Variants in GRM7 observed in about 807,000 individuals in gnomAD.
GRM7 encodes metabotropic glutamate receptor 7.
Under a neutral mutation model 84.5 loss-of-function variants are expected in GRM7, and 35 were observed. The ratio of observed to expected loss-of-function variants is 0.41; its 90% CI spans 0.32 to 0.55. The LOEUF (loss-of-function observed/expected upper bound fraction) is 0.55. Ranked by LOEUF, GRM7 falls within the 20% of genes least tolerant of loss-of-function variation. The pLI, the probability that GRM7 is intolerant of heterozygous loss-of-function variation, is 0.19. For synonymous variants in GRM7, 487 were observed against 455.1 expected (o/e 1.07, Z -0.89); for missense variants, 1,003 against 1,194.6 (o/e 0.84, Z 2.36).
chr3:6,944,276 A>G (rs1249916201), intron 1 of GRM7, among the ~76,000 whole-genome samples: 2 of 152,088 alleles, frequency 1.3e-5, no homozygotes, highest in East Asian at 1.9e-4. Context: ...AAAGACTTTC[A>G]ATCTTTCATT....
At chr3:7,184,445 C>T (rs1028609555) in intron 2 of GRM7, among the ~76,000 whole-genome samples, 5 of 151,922 alleles carry the variant, frequency 3.3e-5, no homozygotes, top group Admixed American at 6.6e-5. Flanking sequence ...CAAATATATA[C>T]AAAAATATTT....
At chr3:7,557,082 A>G (rs1693798269) in intron 7 of GRM7, among the ~76,000 whole-genome samples, 2 of 152,282 alleles carry the variant, frequency 1.3e-5, no homozygotes, top group South Asian at 4.1e-4. Context: ...AGATGATTAG[A>G]TCTGCCTTCT....
intron 1 of GRM7, among the ~76,000 whole-genome samples, chr3:7,043,831 C>T (rs1252231170): frequency 6.6e-6 from 1 of 152,138 alleles, no homozygotes; most frequent in Non-Finnish European, 1.5e-5. Flanking sequence ...AAATACAAGC[C>T]TTGACTTCCT....
At chr3:7,216,623 A>G (rs943540089) in intron 2 of GRM7, among the ~76,000 whole-genome samples, 3 of 152,210 alleles carry the variant, frequency 2.0e-5, no homozygotes, top group African/African-American at 7.2e-5. Flanking sequence ...GGTTACTAGT[A>G]CTGCCACCCT....
intron 7 of GRM7, among the ~76,000 whole-genome samples, chr3:7,473,537 C>T (rs1050360356): frequency 2.3e-5 from 2 of 88,842 alleles, no homozygotes; most frequent in Non-Finnish European, 5.3e-5. Flanking sequence ...AGAGAAACAC[C>T]TTGACAGAGT....
At chr3:7,376,306 C>G (rs1272830413) in intron 4 of GRM7, among the ~76,000 whole-genome samples, 4 of 152,140 alleles carry the variant, frequency 2.6e-5, no homozygotes, top group Admixed American at 2.6e-4. Context: ...TCTGTGGCTG[C>G]AAGTACTCTG....
chr3:7,369,919 A>G (rs192236195), intron 4 of GRM7, among the ~76,000 whole-genome samples: 2 of 152,080 alleles, frequency 1.3e-5, no homozygotes, highest in Non-Finnish European at 2.9e-5. Flanking sequence ...TTTTTCTTCT[A>G]TTCCGATCTA....
intron 1 of GRM7, among the ~76,000 whole-genome samples, chr3:7,096,679 G>A (rs1437402967): frequency 6.6e-6 from 1 of 152,076 alleles, no homozygotes; most frequent in Non-Finnish European, 1.5e-5. Context: ...CCTCTGAGGA[G>A]GTCAGAATGG....
In GRM7 at chr3:7,146,463, T is replaced by G; in HGVS notation, c.531T>G (p.Ile177Met). ...TCTTGTCTTTGCAGATCCCCCAGAT[T>G]AGTTATGCATCAACGGCACCCGAGC... ...NILRLFQIPQ[I>M]SYASTAPELS... is the part of the protein sequence containing the mutation. Residue 177 changes from isoleucine (I) to methionine (M), a missense_variant, in exon 2 of 10, where the codon ATT becomes ATG. Ile to Met is a conservative substitution (Grantham distance 10). Coordinates refer to ENST00000357716, the MANE Select transcript of GRM7 (RefSeq NM_000844.4). 5.6e-6 allele frequency: 9 copies of G among 1,612,616 alleles called. No individual in the cohort carries two copies. The highest frequency in any genetic ancestry group is 7.6e-6 in the Non-Finnish European group (9 of 1,179,244).
At chr3:7,120,435 A>G (rs1693179323) in intron 1 of GRM7, among the ~76,000 whole-genome samples, 1 of 152,092 alleles carries the variant, frequency 6.6e-6, no homozygotes, top group African/African-American at 2.4e-5. Flanking sequence ...TTTCTAAAGG[A>G]TTGATTGAAC....
intron 1 of GRM7, among the ~76,000 whole-genome samples, chr3:6,904,132 C>T (rs1696486262): frequency 1.3e-5 from 2 of 151,992 alleles, no homozygotes; most frequent in Non-Finnish European, 2.9e-5. Flanking sequence ...CAAATTCATC[C>T]ATTTTGCTTA....
Position 7,461,032 on chromosome 3 carries a change from C to G in GRM7, c.1376-551C>G, listed in dbSNP as rs141739194. On this transcript the variant is annotated intron_variant, in intron 6 of 9. Coordinates refer to ENST00000357716, the MANE Select transcript of GRM7 (RefSeq NM_000844.4). ...GACAAATACACTGCTAAACCTTTTA[C>G]CTGCTTATGATATAAATTAGAAATA... Among the ~76,000 whole-genome samples, 818 of 152,236 alleles carry G rather than the reference C, an allele frequency of 5.4e-3. 11 individuals are homozygous for G. Among genetic ancestry groups the G allele is most frequent in the African/African-American group, 0.018 (763 of 41,544 alleles).
At chr3:7,368,399 A>G (rs1479783255) in intron 4 of GRM7, among the ~76,000 whole-genome samples, 1 of 152,160 alleles carries the variant, frequency 6.6e-6, no homozygotes, top group Non-Finnish European at 1.5e-5. Flanking sequence ...GTTTTTCAGT[A>G]GTAAAATTCT....
intron 8 of GRM7, chr3:7,607,182 G>A (rs1455804486): frequency 6.6e-6 from 1 of 152,112 alleles, no homozygotes; most frequent in Non-Finnish European, 1.5e-5. Flanking sequence ...TCTGAGGCCA[G>A]AAATAACTTC....
chr3:7,117,340 A>T (rs1161548231), intron 1 of GRM7, among the ~76,000 whole-genome samples: 31 of 152,202 alleles, frequency 2.0e-4, no homozygotes, highest in Non-Finnish European at 7.3e-5. Flanking sequence ...CAAATAATAC[A>T]GGTCTTGCCT....
At chr3:7,461,040 T>G (rs1223661139) in intron 6 of GRM7, among the ~76,000 whole-genome samples, 2 of 152,198 alleles carry the variant, frequency 1.3e-5, no homozygotes, top group Admixed American at 1.3e-4. Flanking sequence ...TACCTGCTTA[T>G]GATATAAATT....
chr3:7,596,622 AC>A (rs1696057262), intron 8 of GRM7, among the ~76,000 whole-genome samples: 1 of 152,110 alleles, frequency 6.6e-6, no homozygotes, highest in Non-Finnish European at 1.5e-5. Context: ...GAGGGAATGA[AC>A]CATTGTTTTT....
At chr3:7,275,734 A>T (rs1205311794) in intron 2 of GRM7, among the ~76,000 whole-genome samples, 1 of 152,074 alleles carries the variant, frequency 6.6e-6, no homozygotes, top group Non-Finnish European at 1.5e-5. Flanking sequence ...GTATTTCCAA[A>T]TGGTTCCTTT....
chr3:7,538,378 C>T (rs1245859369), intron 7 of GRM7, among the ~76,000 whole-genome samples: 3 of 152,186 alleles, frequency 2.0e-5, no homozygotes, highest in Non-Finnish European at 2.9e-5. Flanking sequence ...TCCCAAAGTG[C>T]TGGGATTACG....
Sources: allele counts gnomAD v4.1 joint callset (sites outside exome capture counted in the v4.1 genomes callset), GRCh38; gene constraint gnomAD v4.1.1; transcripts MANE v1.5; gene names NCBI Gene and HGNC (gene_info 2026-07-23, HGNC 2026-07-21).